The following EFCAB6 variants were observed in gnomAD, a reference collection of about 807,000 sequenced individuals.
The protein encoded by EFCAB6 is EF-hand calcium-binding domain-containing protein 6.
EFCAB6 carries 156 observed loss-of-function variants against 169.8 expected under a neutral mutation model. The ratio of observed to expected loss-of-function variants is 0.92; its 90% confidence interval spans 0.81 to 1.05. EFCAB6 has a LOEUF of 1.05. Among genes scored for constraint, EFCAB6 ranks in the 50% least tolerant of loss-of-function variants. The pLI, the probability that EFCAB6 is intolerant of heterozygous loss-of-function variation, is 0.00. For missense variants in EFCAB6, 1,800 were observed against 1,829.1 expected (o/e 0.98, Z 0.29); for synonymous variants, 698 against 676.4 (o/e 1.03, Z -0.50).
chr22:43,532,380 T>A (rs62232050), intron 30 of EFCAB6, among the ~76,000 whole-genome samples: 7,586 of 152,158 alleles, frequency 0.05, 262 homozygotes, highest in Admixed American at 0.089. Context: ...CCCGTGCACG[T>A]CCTAGCAAGG....
chr22:43,775,260 T>C (rs1273827047), intron 3 of EFCAB6, among the ~76,000 whole-genome samples: 1 of 151,994 alleles, frequency 6.6e-6, no homozygotes, highest in Non-Finnish European at 1.5e-5. Flanking sequence ...TTTTCCAAGA[T>C]GGGAATGGCA....
At chr22:43,806,096 G>A (rs544825060) in intron 2 of EFCAB6, among the ~76,000 whole-genome samples, 203 of 145,574 alleles carry the variant, frequency 1.4e-3, no homozygotes, top group African/African-American at 5.1e-3. Context: ...AACCCAGGAG[G>A]TGAAAGTTGC....
intron 10 of EFCAB6, among the ~76,000 whole-genome samples, chr22:43,695,879 G>A (rs527827035): frequency 6.6e-6 from 1 of 152,096 alleles, no homozygotes; most frequent in East Asian, 1.9e-4. Context: ...GAAAACACAG[G>A]ATTAAATCTT....
intron 11 of EFCAB6, among the ~76,000 whole-genome samples, chr22:43,685,093 G>A (rs2058141398): frequency 6.6e-6 from 1 of 152,194 alleles, no homozygotes; most frequent in Non-Finnish European, 1.5e-5. Context: ...TGTGTTTTCA[G>A]TTGTACACAG....
At chr22:43,768,721 A>G (rs1478325038) in intron 4 of EFCAB6, among the ~76,000 whole-genome samples, 1 of 152,246 alleles carries the variant, frequency 6.6e-6, no homozygotes, top group Admixed American at 6.5e-5. Context: ...TTAAAAACAG[A>G]TGTAGCTTTT....
intron 6 of EFCAB6, among the ~76,000 whole-genome samples, chr22:43,747,602 C>G (rs1569466146): frequency 6.6e-6 from 1 of 152,170 alleles, no homozygotes; most frequent in Non-Finnish European, 1.5e-5. Flanking sequence ...TGCCTACGTC[C>G]TCCCCGTTCA....
chr22:43,723,778 A>G (rs1023238234), intron 8 of EFCAB6, among the ~76,000 whole-genome samples: 1 of 152,196 alleles, frequency 6.6e-6, no homozygotes, highest in African/African-American at 2.4e-5. Context: ...CAAGCTTTAC[A>G]GCTTGTACTT....
In EFCAB6 at chr22:43,687,467, ATACCT is replaced by A; in HGVS notation, c.1141_1142+3del. The A allele has an allele frequency of 1.6e-6, 2 of 1,259,962 alleles. No homozygotes were observed. The highest frequency in any genetic ancestry group is 2.1e-6 in the Non-Finnish European group (2 of 944,106). The allele number at this position is 1,259,962 out of a possible 1,614,324, so 78.0% of individuals were successfully genotyped here. ...AATTTGTTTTTTTTTTTTTTTTTAC[ATACCT>A]ATTTCTTTTTGTCAGGGGACCTTTA... On this transcript the variant is annotated splice_donor_variant and splice_donor_region_variant and coding_sequence_variant and intron_variant, in exon 11 of 32. Coordinates refer to ENST00000262726, the MANE Select transcript of EFCAB6 (RefSeq NM_022785.4). LOFTEE classifies it high-confidence loss of function.
intron 2 of EFCAB6, among the ~76,000 whole-genome samples, chr22:43,788,871 A>G (rs1331883133): frequency 1.3e-5 from 2 of 152,218 alleles, no homozygotes; most frequent in African/African-American, 4.8e-5. Context: ...AAAAAGTGGT[A>G]GATCTGTTCA....
rs2047459978 is a variant in EFCAB6 at position 43,537,647 on chromosome 22, G to A, written c.3880-102C>T. 1 of 1,291,638 alleles carries A rather than the reference G, an allele frequency of 7.7e-7. No homozygotes were observed. 80.0% of individuals were successfully genotyped at this position (1,291,638 alleles called of 1,614,324 possible). Reference sequence around the variant, plus strand: ...CAGTTTTGAGGTTCACAATTTTAGAGGCAGAATTAGCCCAGAAATAAAATG... The same window carrying A: ...CAGTTTTGAGGTTCACAATTTTAGAAGCAGAATTAGCCCAGAAATAAAATG... On this transcript the variant is annotated intron_variant, in intron 28 of 31. Transcript: ENST00000262726. The surrounding 1 kb of genome is among the most constrained non-coding windows in gnomAD (Gnocchi z 4.3).
chr22:43,649,085 T>C (rs1207501077), intron 17 of EFCAB6, among the ~76,000 whole-genome samples: 2 of 152,058 alleles, frequency 1.3e-5, no homozygotes, highest in African/African-American at 4.8e-5. Flanking sequence ...AGGGTCAGAT[T>C]AAGAGGGATA....
rs2060498235 is a variant in EFCAB6, at chr22:43,744,616, G to A, written c.508-8623C>T. 6.6e-6 allele frequency among the ~76,000 whole-genome samples: 1 copy of A among 152,146 alleles called. No homozygotes were observed. The highest frequency in any genetic ancestry group is 2.4e-5 in the African/African-American group (1 of 41,442). ...CAAAGGAAGTGAGCTGGACCACCAG[G>A]AGTGGGAGCTGAGGGGGTCCAGAGG... On this transcript the variant is annotated intron_variant, in intron 6 of 31. Coordinates refer to ENST00000262726, the MANE Select transcript of EFCAB6 (RefSeq NM_022785.4). This position sits in a 1 kb window ranked among gnomAD's most constrained non-coding sequence, Gnocchi z 4.3.
intron 26 of EFCAB6, among the ~76,000 whole-genome samples, chr22:43,556,884 G>T (rs1338564306): frequency 6.6e-6 from 1 of 152,180 alleles, no homozygotes; most frequent in Non-Finnish European, 1.5e-5. Context: ...TGATATTGCT[G>T]ATGCATTTTG....
rs543360004 is a variant in EFCAB6, at chr22:43,680,493, A to C, written c.1252-2330T>G. Among the ~76,000 whole-genome samples, 5 of 152,010 alleles carry C rather than the reference A, an allele frequency of 3.3e-5. No homozygotes were observed. The South Asian group carries it at 1.0e-3, about 32-fold the overall frequency. On this transcript the variant is annotated intron_variant, in intron 12 of 31. Transcript: ENST00000262726. ...AAAAGCAAAAAAAAAGAAAAAAAAAAGCCAGCTGGGATGTTGATAGGGTTT... is the reference window on the plus strand; with the variant it reads ...AAAAGCAAAAAAAAAGAAAAAAAAACGCCAGCTGGGATGTTGATAGGGTTT...
chr22:43,737,624 C>T (rs1569457126), intron 6 of EFCAB6, among the ~76,000 whole-genome samples: 2 of 150,770 alleles, frequency 1.3e-5, no homozygotes, highest in African/African-American at 2.4e-5. Flanking sequence ...CACACACACA[C>T]ATGCAGATAT....
At chr22:43,594,541 G>A (rs1400894935) in intron 23 of EFCAB6, among the ~76,000 whole-genome samples, 1 of 152,120 alleles carries the variant, frequency 6.6e-6, no homozygotes, top group African/African-American at 2.4e-5. Flanking sequence ...AAAAAGACCT[G>A]AAGGTCATTA....
rs138981728 is a variant in EFCAB6 at position 43,744,266 on chromosome 22, A to G, written c.508-8273T>C. On this transcript the variant is annotated intron_variant, in intron 6 of 31. Transcript: ENST00000262726. The surrounding 1 kb of genome is among the most constrained non-coding windows in gnomAD (Gnocchi z 4.3). ...TGATGAAGGATGGATGGGTGGATGG[A>G]TGAGTGGGTGGGTAGGTGGGGAGAT... 6.6e-6 allele frequency among the ~76,000 whole-genome samples: 1 copy of G among 152,080 alleles called. No individual in the cohort carries two copies. Among genetic ancestry groups the G allele is most frequent in the East Asian group, 1.9e-4 (1 of 5,152 alleles).
At chr22:43,718,044 GCATCCATCCATCCATCCACC>G (rs889022831) in intron 8 of EFCAB6, among the ~76,000 whole-genome samples, 21 of 86,158 alleles carry the variant, frequency 2.4e-4, no homozygotes, top group African/African-American at 7.4e-4. Context: ...ATCTTTCTAT[GCATCCATCCATCCATCCACC>G]CATCCATCCA....
chr22:43,605,463 T>C (rs1486866731), intron 22 of EFCAB6, among the ~76,000 whole-genome samples: 1 of 152,042 alleles, frequency 6.6e-6, no homozygotes, highest in African/African-American at 2.4e-5. Context: ...GCCAACATGG[T>C]GAAACCCCAT....
Sources: allele counts gnomAD v4.1 joint callset (sites outside exome capture counted in the v4.1 genomes callset), GRCh38; gene constraint gnomAD v4.1.1; non-coding constraint Gnocchi (gnomAD v3.1); transcripts MANE v1.5; gene names NCBI Gene and HGNC (gene_info 2026-07-23, HGNC 2026-07-21).